KCNG3: variants seen among roughly 807,000 people sequenced by gnomAD.
The protein encoded by KCNG3 is potassium voltage-gated channel modifier subfamily G member 3, also known as voltage-gated potassium channel regulatory subunit KCNG3.
A neutral mutation model predicts 29.0 loss-of-function variants in KCNG3; 15 were observed. The observed-to-expected ratio is 0.52, with a 90% CI of 0.35 to 0.80. The LOEUF (loss-of-function observed/expected upper bound fraction) is 0.80, where lower values mean the gene tolerates loss of function less well. Among genes scored for constraint, KCNG3 ranks in the 30% least tolerant of loss-of-function variants. The probability of loss-of-function intolerance (pLI) is 0.01; values close to 1 mark genes in which losing one functional copy is unlikely to be tolerated. For synonymous variants in KCNG3, 322 were observed against 248.9 expected (o/e 1.29, Z -2.76); for missense variants, 512 against 605.7 (o/e 0.85, Z 1.62).
intron 1 of KCNG3, among the ~76,000 whole-genome samples, chr2:42,472,795 T>C (rs1207101426): frequency 2.0e-5 from 3 of 149,518 alleles, no homozygotes; most frequent in East Asian, 2.0e-4. Flanking sequence ...GATATATCTA[T>C]AGATCTATAC....
the KCNG3 span, among the ~76,000 whole-genome samples, chr2:42,426,980 G>C: frequency 1.3e-5 from 2 of 152,142 alleles, no homozygotes. Flanking sequence ...AAAATGTAAA[G>C]ACATTCTCAA....
the KCNG3 span, among the ~76,000 whole-genome samples, chr2:42,412,630 G>C: frequency 6.6e-6 from 1 of 152,148 alleles, no homozygotes; most frequent in African/African-American, 2.4e-5. Context: ...CTTTCTGTGA[G>C]ATAAAATAAC....
At chr2:42,397,337 G>A in the KCNG3 span, among the ~76,000 whole-genome samples, 3 of 152,080 alleles carry the variant, frequency 2.0e-5, no homozygotes, top group Non-Finnish European at 1.5e-5. Context: ...AAAAAGCAAG[G>A]TATAGTATAT....
chr2:42,422,764 G>C, the KCNG3 span, among the ~76,000 whole-genome samples: 1 of 152,140 alleles, frequency 6.6e-6, no homozygotes. Context: ...GAAGAAGCCT[G>C]TAACCTGCAT....
At chr2:42,477,872 C>G (rs1460721980) in intron 1 of KCNG3, among the ~76,000 whole-genome samples, 2 of 123,720 alleles carry the variant, frequency 1.6e-5, no homozygotes, top group Admixed American at 9.0e-5. Context: ...AAGCAAGACC[C>G]CGTCTCAAAA....
rs542648791 is a variant in KCNG3, at chr2:42,478,360, T to C, written c.665+14477A>G. Among the ~76,000 whole-genome samples the C allele has an allele frequency of 2.0e-5, 3 of 152,092 alleles. No homozygotes were observed. In the South Asian group the frequency reaches 6.2e-4, roughly 32 times the overall value. ...AAGCAATTCTCCCACTTCAGCCTCCTGAGTAGCTGGGAGTAGTGCACGTCA... is the reference window on the plus strand; with the variant it reads ...AAGCAATTCTCCCACTTCAGCCTCCCGAGTAGCTGGGAGTAGTGCACGTCA... On this transcript the variant is annotated intron_variant, in intron 1 of 1. Transcript: ENST00000306078.
chr2:42,418,725 C>T, the KCNG3 span, among the ~76,000 whole-genome samples: 27 of 152,048 alleles, frequency 1.8e-4, no homozygotes, highest in African/African-American at 6.5e-4. Flanking sequence ...GAAGTATGCA[C>T]ACAAATGTGA....
At chr2:42,466,260 G>C (rs559875869) in intron 1 of KCNG3, among the ~76,000 whole-genome samples, 1 of 152,204 alleles carries the variant, frequency 6.6e-6, no homozygotes, top group East Asian at 1.9e-4. Context: ...ACAAAAATTA[G>C]TCAGGCGTGG....
intron 1 of KCNG3, among the ~76,000 whole-genome samples, chr2:42,462,876 T>C (rs985537383): frequency 1.3e-5 from 2 of 152,254 alleles, no homozygotes; most frequent in East Asian, 3.9e-4. Context: ...TTGCAGCCAC[T>C]GCAAGATTTT....
intron 1 of KCNG3, among the ~76,000 whole-genome samples, chr2:42,484,425 G>A (rs188863792): frequency 1.3e-5 from 2 of 152,266 alleles, no homozygotes; most frequent in Non-Finnish European, 2.9e-5. Context: ...TCGTGCCACT[G>A]CACTCCAGCC....
rs1673941737 is a variant in KCNG3 at position 42,492,970 on chromosome 2, C to T, written c.532G>A (p.Val178Met). 6.4e-7 allele frequency: 1 copy of T among 1,562,224 alleles called. No homozygotes were observed. The highest frequency in any genetic ancestry group is 1.2e-5 in the South Asian group (1 of 84,698). ...LAAQILASVSVVFVIVSMVVL... is the reference protein window; with the variant it reads ...LAAQILASVSMVFVIVSMVVL... ...ACCATGGACACGATCACGAACACCACCGACACGCTAGCCAGGATCTGCGCG... is the reference window on the plus strand; with the variant it reads ...ACCATGGACACGATCACGAACACCATCGACACGCTAGCCAGGATCTGCGCG... The change falls in exon 1 of 2, where the codon GTG becomes ATG. Residue 178 changes from valine (V) to methionine (M), a missense_variant. Physicochemically the swap from Val to Met is conservative, Grantham distance 21. Around this residue, in one of 5 missense-constraint regions of KCNG3, gnomAD observed 228 missense variants for 200.0 expected, o/e 1.14. Coordinates refer to ENST00000306078, the MANE Select transcript of KCNG3 (RefSeq NM_133329.6).
At chr2:42,412,494 A>G in the KCNG3 span, among the ~76,000 whole-genome samples, 1 of 152,154 alleles carries the variant, frequency 6.6e-6, no homozygotes, top group African/African-American at 2.4e-5. Context: ...GATTTTTTAG[A>G]TAGTGTGTTA....
intron 1 of KCNG3, among the ~76,000 whole-genome samples, chr2:42,465,972 T>G (rs1673133442): frequency 6.6e-6 from 1 of 152,212 alleles, no homozygotes; most frequent in Non-Finnish European, 1.5e-5. Flanking sequence ...ACACCAAGTT[T>G]GTGAAGTAAC....
At chr2:42,492,301 G>C (rs1673900455) in intron 1 of KCNG3, among the ~76,000 whole-genome samples, 1 of 152,152 alleles carries the variant, frequency 6.6e-6, no homozygotes, top group Admixed American at 6.5e-5. Context: ...CCATTATTTA[G>C]AGTCTATCGA....
At chr2:42,455,742 C>G in intron 1 of KCNG3, among the ~76,000 whole-genome samples, 1 of 151,790 alleles carries the variant, frequency 6.6e-6, no homozygotes, top group Admixed American at 6.6e-5. Flanking sequence ...ACACTCCAGA[C>G]TAGGCAACAG....
At chr2:42,389,415 C>A in the KCNG3 span, among the ~76,000 whole-genome samples, 1 of 152,140 alleles carries the variant, frequency 6.6e-6, no homozygotes, top group Non-Finnish European at 1.5e-5. Context: ...GAAAGAAAGG[C>A]CCTTGACTAT....
rs150944293 is a variant in KCNG3 at position 42,457,617 on chromosome 2, C to T, written c.666-13038G>A. On this transcript the variant is annotated intron_variant, in intron 1 of 1. Transcript: ENST00000306078. ...ATCCTAGCACTTTGGGAGGCCGAGGCAGGCAGATCTCACACACACACACAC... is the reference window on the plus strand; with the variant it reads ...ATCCTAGCACTTTGGGAGGCCGAGGTAGGCAGATCTCACACACACACACAC... 1.9e-3 allele frequency among the ~76,000 whole-genome samples: 202 copies of T among 106,934 alleles called. 3 individuals are homozygous for T. In the East Asian group the frequency reaches 0.048, roughly 26 times the overall value. The allele number at this position is 106,934 out of a possible 152,430, so 70.2% of individuals were successfully genotyped here.
the KCNG3 span, among the ~76,000 whole-genome samples, chr2:42,392,979 T>C: frequency 6.6e-6 from 1 of 152,152 alleles, no homozygotes; most frequent in African/African-American, 2.4e-5. Flanking sequence ...GCTATGTTGA[T>C]GCAGTTTAAG....
chr2:42,447,165 G>A (rs1168669391), intron 1 of KCNG3, among the ~76,000 whole-genome samples: 1 of 151,132 alleles, frequency 6.6e-6, no homozygotes, highest in East Asian at 1.9e-4. Context: ...CCTCCCTGGA[G>A]TCAACAAATA....
Sources: gnomAD v4.1 joint callset for allele counts (sites outside exome capture counted in the v4.1 genomes callset) on GRCh38, gnomAD v4.1.1 for gene constraint, gnomAD v4.1.1 regional missense constraint, MANE v1.5 for transcripts, NCBI Gene and HGNC (gene_info 2026-07-23, HGNC 2026-07-21) for gene names.